RET: variants seen among roughly 807,000 people sequenced by gnomAD.
The protein encoded by RET is proto-oncogene tyrosine-protein kinase receptor Ret.
A neutral mutation model predicts 118.3 loss-of-function variants in RET; 19 were observed. The observed-to-expected ratio is 0.16, with a 90% CI of 0.11 to 0.24. RET has a LOEUF of 0.24. Among genes scored for constraint, RET ranks in the 10% least tolerant of loss-of-function variants. The pLI, the probability that RET is intolerant of heterozygous loss-of-function variation, is 1.00. For missense variants in RET, 1,219 were observed against 1,502.1 expected (o/e 0.81, Z 3.12); for synonymous variants, 597 against 644.1 (o/e 0.93, Z 1.11).
chr10:43,122,100 A>G (rs1838231547), intron 16 of RET, 84 bp downstream of exon 16: 4 of 1,101,490 alleles, frequency 3.6e-6, no homozygotes, highest in Non-Finnish European at 5.6e-6. Flanking sequence ...CCGTCTGTGC[A>G]GCTTGGCCAG....
At chr10:43,078,991 C>G (rs977484295) in intron 1 of RET, among the ~76,000 whole-genome samples, 14 of 152,208 alleles carry the variant, frequency 9.2e-5, no homozygotes, top group African/African-American at 3.4e-4. Context: ...GGAGCCACAG[C>G]TCCGGAGGTT....
At chr10:43,081,732 G>C (rs1837188310) in intron 1 of RET, among the ~76,000 whole-genome samples, 1 of 152,176 alleles carries the variant, frequency 6.6e-6, no homozygotes, top group Non-Finnish European at 1.5e-5. Flanking sequence ...GCACCCCTTG[G>C]GGCTGGAAGG....
At chr10:43,102,086 A>C (rs1198753598) in intron 2 of RET, among the ~76,000 whole-genome samples, 1 of 152,174 alleles carries the variant, frequency 6.6e-6, no homozygotes, top group Non-Finnish European at 1.5e-5. Context: ...AGTGCTCAAC[A>C]CACCTCCCTG....
chr10:43,094,876 G>A (rs1837489603), intron 1 of RET, among the ~76,000 whole-genome samples: 1 of 152,232 alleles, frequency 6.6e-6, no homozygotes, highest in African/African-American at 2.4e-5. Flanking sequence ...GTGTGTAATG[G>A]TATGCGTCTG....
chr10:43,089,627 G>C (rs1837368413), intron 1 of RET, among the ~76,000 whole-genome samples: 1 of 152,198 alleles, frequency 6.6e-6, no homozygotes, highest in Non-Finnish European at 1.5e-5. Context: ...GGGTGCTCCT[G>C]CTGTGTACCA....
At chr10:43,079,226 C>A (rs1332916788) in intron 1 of RET, among the ~76,000 whole-genome samples, 3 of 152,182 alleles carry the variant, frequency 2.0e-5, no homozygotes, top group Admixed American at 6.5e-5. Context: ...CCTGCCCCTT[C>A]TCACAGCACT....
chr10:43,102,461 T>A lies in RET; in HGVS notation c.457T>A (p.Ser153Thr), dbSNP rs1341922880. 4 of 1,614,196 alleles carry A rather than the reference T, an allele frequency of 2.5e-6. No homozygotes were observed. The South Asian group carries it at 3.3e-5, about 13-fold the overall frequency. Residue 153 changes from serine (S) to threonine (T), a missense_variant, in exon 3 of 20, where the codon TCC (serine) becomes ACC (threonine). Ser to Thr is a moderately conservative substitution (Grantham distance 58). Coordinates refer to ENST00000355710, the MANE Select transcript of RET (RefSeq NM_020975.6). ...ARVYFSFFNT[S>T]FPACSSLKPR... ...CGTATACTTCTCCTTCTTCAACACC[T>A]CCTTTCCAGCCTGCAGCTCCCTCAA...
intron 1 of RET, among the ~76,000 whole-genome samples, chr10:43,077,635 G>C (rs1340860950): frequency 6.6e-6 from 1 of 152,118 alleles, no homozygotes; most frequent in East Asian, 1.9e-4. Context: ...ATCTGGCCGC[G>C]CCCTGCGCCA....
In RET at chr10:43,102,705, C is replaced by G. The variant is rs1453374865; in HGVS notation, c.625+76C>G. 4.5e-6 allele frequency: 7 copies of G among 1,562,882 alleles called. No individual in the cohort carries two copies. In the East Asian group the frequency reaches 1.1e-4, roughly 25 times the overall value. ...TTGCTCTGCGAGCCCTTGACACAAGCCATCTGGTTTATTCTTCACCTTCAT... is the reference window on the plus strand; with the variant it reads ...TTGCTCTGCGAGCCCTTGACACAAGGCATCTGGTTTATTCTTCACCTTCAT... On this transcript the variant is annotated intron_variant, in intron 3 of 19. Transcript: ENST00000355710.
At position 43,111,219 on chromosome 10, in the gene RET, T is replaced by G; in HGVS notation, c.1276T>G (p.Cys426Gly). Residue 426 changes from cysteine to glycine, a missense_variant, in exon 7 of 20, where the codon TGT (cysteine) becomes GGT (glycine). Transcript: ENST00000355710. ...ARRFAQIGKV[C>G]VENCQAFSGI... ...TGTGCCCCCCTAGATCGGGAAAGTC[T>G]GTGTGGAAAACTGCCAGGCATTCAG... 1 of 1,613,984 alleles carries G rather than the reference T, an allele frequency of 6.2e-7. No individual in the cohort carries two copies. The highest frequency in any genetic ancestry group is 2.2e-5 in the East Asian group (1 of 44,880).
intron 1 of RET, among the ~76,000 whole-genome samples, chr10:43,088,792 C>G (rs1837349227): frequency 6.6e-6 from 1 of 152,146 alleles, no homozygotes; most frequent in South Asian, 2.1e-4. Context: ...ACAAGCTTGC[C>G]CAACCTTCTT....
At position 43,077,311 on chromosome 10, in the gene RET, T is replaced by G; in HGVS notation, c.53T>G (p.Leu18Arg). The change falls in exon 1 of 20, where the codon CTG (leucine) becomes CGG (arginine). Residue 18 changes from leucine (L) to arginine (R), a missense_variant. Physicochemically the swap from Leu to Arg is moderately radical, Grantham distance 102. This residue lies in a region of RET where 38 missense variants were observed against 33.1 expected (regional missense o/e 1.15). Coordinates refer to ENST00000355710, the MANE Select transcript of RET (RefSeq NM_020975.6). ...AAGLRLLLLL[L>R]LPLLGKVALG... ...GGGCTGCGTCTGCTGTTGCTGCTGC[T>G]GCTGCCGCTGCTAGGCAAAGGTGAG... The G allele has an allele frequency of 6.6e-7, 1 of 1,511,688 alleles. No homozygotes were observed. The highest frequency in any genetic ancestry group is 8.8e-7 in the Non-Finnish European group (1 of 1,135,466). 93.6% of individuals were successfully genotyped at this position (1,511,688 alleles called of 1,614,324 possible). A position where few individuals can be genotyped will look rare whatever the true frequency, so the allele number is the denominator to read the frequency against.
At chr10:43,109,322 A>C in intron 6 of RET, 92 bp downstream of exon 6, 1 of 1,264,244 alleles carries the variant, frequency 7.9e-7, no homozygotes, top group Non-Finnish European at 1.1e-6. Flanking sequence ...TCTTGGCCCA[A>C]CCAGCACAGA....
At chr10:43,112,353 T>C in intron 8 of RET, 129 bp downstream of exon 8, 2 of 1,384,062 alleles carry the variant, frequency 1.4e-6, no homozygotes, top group East Asian at 2.5e-5. Context: ...TCATCCCCCA[T>C]GTGGCTCTCG....
intron 1 of RET, among the ~76,000 whole-genome samples, chr10:43,098,903 T>C (rs1837576697): frequency 6.6e-6 from 1 of 152,258 alleles, no homozygotes; most frequent in East Asian, 1.9e-4. Context: ...CTTTTGCGTA[T>C]GTACCCAGAA....
intron 19 of RET, chr10:43,127,206 C>T (rs1564502216): frequency 1.4e-5 from 15 of 1,083,446 alleles, no homozygotes; most frequent in Non-Finnish European, 1.7e-5. Flanking sequence ...AGAGGCCACC[C>T]GGCACTGGCG....
intron 9 of RET, 44 bp from the exon 10 acceptor site, chr10:43,113,512 G>A (rs2132825033): frequency 6.4e-7 from 1 of 1,569,176 alleles, no homozygotes; most frequent in Non-Finnish European, 8.6e-7. Context: ...CGCCTGGGGT[G>A]GTCAGGCGCC....
intron 1 of RET, among the ~76,000 whole-genome samples, chr10:43,081,191 A>C (rs2435363): frequency 2.0e-3 from 258 of 128,996 alleles, no homozygotes; most frequent in African/African-American, 2.5e-3. Flanking sequence ...GGCCCCCCCC[A>C]TCCCCCCTTC....
chr10:43,100,980 G>C (rs191765389), intron 2 of RET, among the ~76,000 whole-genome samples: 2 of 152,350 alleles, frequency 1.3e-5, no homozygotes, highest in Non-Finnish European at 1.5e-5. Flanking sequence ...TGCCAGACCC[G>C]AATCCCTCTT....
Sources: allele counts gnomAD v4.1 joint callset (sites outside exome capture counted in the v4.1 genomes callset), GRCh38; gene constraint gnomAD v4.1.1; regional missense constraint gnomAD v4.1.1; transcripts MANE v1.5; gene names NCBI Gene and HGNC (gene_info 2026-07-23, HGNC 2026-07-21).